The following CNTN5 variants were observed in gnomAD, a reference collection of about 807,000 sequenced individuals.
CNTN5 encodes the protein contactin 5.
CNTN5 carries 77 observed loss-of-function variants against 129.1 expected under a neutral mutation model. The ratio of observed to expected loss-of-function variants is 0.60; its 90% CI spans 0.50 to 0.72. The LOEUF is 0.72. CNTN5 is among the 30% of genes least tolerant of loss of function. The pLI, the probability that CNTN5 is intolerant of heterozygous loss-of-function variation, is 0.00. For synonymous variants in CNTN5, 509 were observed against 465.6 expected, an observed-to-expected ratio of 1.09 and a Z score of -1.20; for missense variants, 1,478 against 1,328.8, an observed-to-expected ratio of 1.11 and a Z score of -1.75.
chr11:99,220,743 A>G (rs942331501), intron 1 of CNTN5, among the ~76,000 whole-genome samples: 8 of 152,000 alleles, frequency 5.3e-5, no homozygotes, highest in African/African-American at 1.9e-4. Context: ...GGCCAGATTA[A>G]TGCTTTGGAG....
chr11:99,760,875 T>G (rs1944556219), intron 3 of CNTN5, among the ~76,000 whole-genome samples: 1 of 152,180 alleles, frequency 6.6e-6, no homozygotes, highest in African/African-American at 2.4e-5. Context: ...TGACTACAAC[T>G]TGGCAACAGA....
At chr11:100,171,797 A>G (rs372254128) in intron 13 of CNTN5, among the ~76,000 whole-genome samples, 3 of 152,120 alleles carry the variant, frequency 2.0e-5, no homozygotes, top group East Asian at 1.9e-4. Flanking sequence ...AAACGAAGGA[A>G]TGTATTTAGT....
At chr11:99,025,449 A>T (rs4754577) in intron 1 of CNTN5, among the ~76,000 whole-genome samples, 6,390 of 151,878 alleles carry the variant, frequency 0.042, 465 homozygotes, top group East Asian at 0.23. Flanking sequence ...TCTTCATAGG[A>T]TTCTTATAGC....
intron 2 of CNTN5, among the ~76,000 whole-genome samples, chr11:99,465,542 T>C (rs529162874): frequency 6.6e-6 from 1 of 152,078 alleles, no homozygotes; most frequent in East Asian, 1.9e-4. Context: ...GGCCTCATTC[T>C]CTTGTGTTCA....
At chr11:100,005,065 T>G (rs935422251) in intron 9 of CNTN5, among the ~76,000 whole-genome samples, 2 of 152,112 alleles carry the variant, frequency 1.3e-5, no homozygotes, top group African/African-American at 4.8e-5. Flanking sequence ...TTCCCCACTC[T>G]TAGGCTTTAA....
chr11:99,560,295 T>C (rs1948800280), intron 3 of CNTN5, among the ~76,000 whole-genome samples: 1 of 149,356 alleles, frequency 6.7e-6, no homozygotes, highest in African/African-American at 2.4e-5. Flanking sequence ...ATTATTATTA[T>C]TATTATTATT....
intron 2 of CNTN5, among the ~76,000 whole-genome samples, chr11:99,433,872 G>A (rs908161270): frequency 6.6e-6 from 1 of 152,148 alleles, no homozygotes; most frequent in East Asian, 1.9e-4. Flanking sequence ...TGATGACACA[G>A]GGATACAGCT....
At chr11:99,234,270 G>A (rs1565424813) in intron 1 of CNTN5, among the ~76,000 whole-genome samples, 1 of 151,986 alleles carries the variant, frequency 6.6e-6, no homozygotes, top group Admixed American at 6.6e-5. Flanking sequence ...ACGGGGACGG[G>A]GGATGAAGAC....
chr11:99,190,724 T>C (rs1259292257), intron 1 of CNTN5, among the ~76,000 whole-genome samples: 1 of 151,762 alleles, frequency 6.6e-6, no homozygotes. Context: ...TACTGATTTT[T>C]ATATTTTCGT....
intron 3 of CNTN5, among the ~76,000 whole-genome samples, chr11:99,782,163 A>C (rs1324160195): frequency 7.3e-5 from 11 of 150,438 alleles, no homozygotes; most frequent in Admixed American, 2.6e-4. Flanking sequence ...AAAAATCACA[A>C]GCATTCTTAT....
chr11:99,408,426 GAA>G (rs760830678), intron 2 of CNTN5, among the ~76,000 whole-genome samples: 2 of 47,652 alleles, frequency 4.2e-5, no homozygotes, highest in Non-Finnish European at 7.2e-5. Context: ...AGGAAGGAAA[GAA>G]AAAGAAAGAA....
At chr11:99,517,640 C>A (rs1343224830) in intron 2 of CNTN5, among the ~76,000 whole-genome samples, 1 of 151,984 alleles carries the variant, frequency 6.6e-6, no homozygotes, top group Non-Finnish European at 1.5e-5. Flanking sequence ...TTGAGCTCAC[C>A]ACGCCCCACC....
chr11:99,688,560 A>T (rs1479765881), intron 3 of CNTN5, among the ~76,000 whole-genome samples: 1 of 151,300 alleles, frequency 6.6e-6, no homozygotes, highest in African/African-American at 2.5e-5. Context: ...AGGTAGAAAG[A>T]TGGAAATTTT....
chr11:99,383,201 T>C (rs984733339), intron 2 of CNTN5, among the ~76,000 whole-genome samples: 1 of 152,228 alleles, frequency 6.6e-6, no homozygotes, highest in East Asian at 1.9e-4. Flanking sequence ...GAAAATGAAG[T>C]GGCTATCATT....
At chr11:99,586,065 T>TG (rs1565323657) in intron 3 of CNTN5, among the ~76,000 whole-genome samples, 1 of 152,194 alleles carries the variant, frequency 6.6e-6, no homozygotes, top group East Asian at 1.9e-4. Flanking sequence ...TCTCATATCA[T>TG]GTATTTCATT....
intron 2 of CNTN5, among the ~76,000 whole-genome samples, chr11:99,483,793 G>C (rs1243522411): frequency 6.6e-6 from 1 of 152,060 alleles, no homozygotes; most frequent in Non-Finnish European, 1.5e-5. Context: ...AGAGTACCAA[G>C]AACATAAACT....
intron 8 of CNTN5, among the ~76,000 whole-genome samples, chr11:99,957,972 A>G (rs1396655389): frequency 6.6e-6 from 1 of 151,826 alleles, no homozygotes; most frequent in Non-Finnish European, 1.5e-5. Flanking sequence ...TGTATTATAT[A>G]TACATATATA....
chr11:99,845,239 G>C lies in CNTN5; in HGVS notation c.554G>C (p.Arg185Thr), dbSNP rs780740486. 6.2e-7 allele frequency: 1 copy of C among 1,612,658 alleles called. No homozygotes were observed. Among genetic ancestry groups the C allele is most frequent in the Non-Finnish European group, 8.5e-7 (1 of 1,179,352 alleles). Residue 185 changes from arginine to threonine, a missense_variant, in exon 6 of 25, where the codon AGA becomes ACA. Arg to Thr is a moderately conservative substitution (Grantham distance 71). Transcript: ENST00000524871. ...AACACTGTGGGGAGTATTCTTAGTA[G>C]AGAAGCTACACTGCAGTTTGCCTGT... ...ATNTVGSILS[R>T]EATLQFAYLG...
At chr11:99,303,720 G>A (rs747756340) in intron 1 of CNTN5, among the ~76,000 whole-genome samples, 5 of 151,942 alleles carry the variant, frequency 3.3e-5, no homozygotes, top group Non-Finnish European at 5.9e-5. Context: ...TTCTCACTCT[G>A]GGGGTGAGCC....
Sources: allele counts gnomAD v4.1 joint callset (sites outside exome capture counted in the v4.1 genomes callset), GRCh38; gene constraint gnomAD v4.1.1; transcripts MANE v1.5; gene names NCBI Gene and HGNC (gene_info 2026-07-23, HGNC 2026-07-21).